IFNGR2: variants seen among roughly 807,000 people sequenced by gnomAD.
The protein encoded by IFNGR2 is interferon gamma receptor 2.
In IFNGR2, 15 loss-of-function variants were observed where a neutral mutation model predicts 41.1. The observed-to-expected ratio is 0.37, with a 90% CI of 0.24 to 0.56. The LOEUF (loss-of-function observed/expected upper bound fraction) is 0.56. Ranked by LOEUF, IFNGR2 falls within the 20% of genes least tolerant of loss-of-function variation. The probability of loss-of-function intolerance (pLI) is 0.81; values close to 1 mark genes in which losing one functional copy is unlikely to be tolerated. For synonymous variants in IFNGR2, 161 were observed against 171.6 expected (o/e 0.94, Z 0.48); for missense variants, 362 against 415.7 (o/e 0.87, Z 1.12).
At position 33,403,554 on chromosome 21, in the gene IFNGR2, C is replaced by CGCTGCTGTGGTCGCTGCT; in HGVS notation, c.19_36dup (p.Trp7_Leu12dup). The CGCTGCTGTGGTCGCTGCT allele has an allele frequency of 1.5e-6, 2 of 1,356,350 alleles. No individual in the cohort carries two copies. The highest frequency in any genetic ancestry group is 1.6e-5 in the South Asian group (1 of 61,760). The allele number at this position is 1,356,350 out of a possible 1,614,324, so 84.0% of individuals were successfully genotyped here. On this transcript the variant is annotated inframe_insertion, in exon 1 of 7. Coordinates refer to ENST00000290219, the MANE Select transcript of IFNGR2 (RefSeq NM_005534.4). ...CGAGCGCCCGGGGCCATGCGACCGA[C>CGCTGCTGTGGTCGCTGCT]GCTGCTGTGGTCGCTGCTGCTGCTG... is the stretch of plus-strand genomic sequence containing the variant.
At position 33,414,995 on chromosome 21, in the gene IFNGR2, G is replaced by A. The variant is rs1295900891; in HGVS notation, c.181G>A (p.Val61Ile). ...PVALSNSTRP[V>I]VYQVQFKYTD... ...GGCCCTGAGCAATAGCACGAGGCCT[G>A]TTGTCTACCAAGTGCAGTTTAAATA... is the stretch of plus-strand genomic sequence containing the variant. The change falls in exon 2 of 7, where the codon GTT becomes ATT. Residue 61 changes from valine (V) to isoleucine (I), a missense_variant. Transcript: ENST00000290219. The A allele has an allele frequency of 8.1e-6, 13 of 1,614,186 alleles. No homozygotes were observed. The highest frequency in any genetic ancestry group is 1.3e-5 in the African/African-American group (1 of 75,046).
chr21:33,411,576 G>A, intron 1 of IFNGR2: 1 of 466,972 alleles, frequency 2.1e-6, no homozygotes, highest in Non-Finnish European at 4.5e-6. Flanking sequence ...GCAGATGTGA[G>A]TAAGTTAAGA....
intron 6 of IFNGR2, 70 bp downstream of exon 6, chr21:33,432,941 C>A: frequency 7.7e-7 from 1 of 1,303,538 alleles, no homozygotes; most frequent in South Asian, 1.2e-5. Context: ...GCGGGAGTGT[C>A]ATGGTACAAT....
At chr21:33,430,610 ATTTT>A (rs1016552460) in intron 4 of IFNGR2, among the ~76,000 whole-genome samples, 3 of 151,716 alleles carry the variant, frequency 2.0e-5, no homozygotes. Context: ...TGACCAGCTT[ATTTT>A]TTTATTATTA....
At position 33,432,892 on chromosome 21, in the gene IFNGR2, T is replaced by G. The variant is rs373845747; in HGVS notation, c.879+21T>G. On this transcript the variant is annotated intron_variant, in intron 6 of 6. Transcript: ENST00000290219. ...AAGAGGTACGTGTGCACACATCTCT[T>G]TTTTTTTTTTTGAGACAGGGTCTTG... 1.1e-4 allele frequency: 156 copies of G among 1,423,608 alleles called. 2 individuals are homozygous for G. In the African/African-American group the frequency reaches 1.8e-3, roughly 17 times the overall value. The allele number at this position is 1,423,608 out of a possible 1,614,324, so 88.2% of individuals were successfully genotyped here.
chr21:33,424,473 G>A (rs538322859), intron 3 of IFNGR2, among the ~76,000 whole-genome samples: 22 of 152,164 alleles, frequency 1.4e-4, no homozygotes, highest in African/African-American at 4.3e-4. Flanking sequence ...CTCTGCCCTC[G>A]TGCTTGAAAA....
intron 2 of IFNGR2, among the ~76,000 whole-genome samples, chr21:33,415,316 T>TC (rs768123545): frequency 7.9e-5 from 12 of 152,186 alleles, no homozygotes; most frequent in Non-Finnish European, 1.5e-4. Context: ...AAAATAGGCT[T>TC]CCACCATGGA....
chr21:33,420,934 C>G (rs17885013), intron 2 of IFNGR2, among the ~76,000 whole-genome samples: 1 of 152,080 alleles, frequency 6.6e-6, no homozygotes, highest in Non-Finnish European at 1.5e-5. Context: ...CAGTGGCTCA[C>G]GCTTGTAATT....
chr21:33,432,196 G>C lies in IFNGR2; in HGVS notation c.581G>C (p.Ser194Thr). 1 of 1,614,138 alleles carries C rather than the reference G, an allele frequency of 6.2e-7. No homozygotes were observed. Among genetic ancestry groups the C allele is most frequent in the Non-Finnish European group, 8.5e-7 (1 of 1,179,986 alleles). Residue 194 changes from serine to threonine, a missense_variant, in exon 5 of 7, where the codon AGC (serine) becomes ACC (threonine). Coordinates refer to ENST00000290219, the MANE Select transcript of IFNGR2 (RefSeq NM_005534.4). ...AAACAGGTCAAAGGCCCTTTCAGAA[G>C]CAACTCCATTTCATTGGATAACTTA... is the stretch of plus-strand genomic sequence containing the variant. The part of the protein sequence containing the change: ...GIQQVKGPFR[S>T]NSISLDNLKP...
chr21:33,409,813 T>C (rs2083703689), intron 1 of IFNGR2, among the ~76,000 whole-genome samples: 1 of 151,862 alleles, frequency 6.6e-6, no homozygotes, highest in Non-Finnish European at 1.5e-5. Flanking sequence ...CTCTCACACA[T>C]GTCCCTTGGT....
At chr21:33,409,638 C>T (rs1019076911) in intron 1 of IFNGR2, among the ~76,000 whole-genome samples, 7 of 152,102 alleles carry the variant, frequency 4.6e-5, no homozygotes, top group Non-Finnish European at 4.4e-5. Flanking sequence ...TGCCAGGAAT[C>T]GGCAAAGTTT....
In IFNGR2 at chr21:33,436,225, C is replaced by T. The variant is rs148947987; in HGVS notation, c.880-603C>T. Among the ~76,000 whole-genome samples the T allele has an allele frequency of 1.7e-3, 248 of 148,974 alleles. 1 individual carries two copies. The highest frequency in any genetic ancestry group is 0.015 in the Middle Eastern group (4 of 262). ...ACAAAATTAGCAGGGTGTGGTGGTG[C>T]ATGCCTGTAATCCCAGCTACTTGGG... On this transcript the variant is annotated intron_variant, in intron 6 of 6. Transcript: ENST00000290219.
At chr21:33,427,842 A>ATTT (rs2083852304) in intron 4 of IFNGR2, among the ~76,000 whole-genome samples, 2 of 39,452 alleles carry the variant, frequency 5.1e-5, no homozygotes, top group African/African-American at 2.4e-4. Context: ...ATCTCATTTC[A>ATTT]TCTTTTTTTT....
intron 3 of IFNGR2, among the ~76,000 whole-genome samples, chr21:33,425,575 G>T (rs906957456): frequency 1.3e-5 from 2 of 152,214 alleles, no homozygotes; most frequent in African/African-American, 2.4e-5. Context: ...TGCTCACTTA[G>T]CTGGGACAAG....
At chr21:33,424,460 G>A (rs1380408336) in intron 3 of IFNGR2, among the ~76,000 whole-genome samples, 2 of 152,168 alleles carry the variant, frequency 1.3e-5, no homozygotes, top group Non-Finnish European at 2.9e-5. Context: ...CTGGGCTGCT[G>A]TTCTCTGCCC....
At chr21:33,405,031 A>G (rs536960368) in intron 1 of IFNGR2, among the ~76,000 whole-genome samples, 34 of 151,612 alleles carry the variant, frequency 2.2e-4, no homozygotes, top group African/African-American at 8.2e-4. Flanking sequence ...AGGCGGGAGA[A>G]TCACTTGAAC....
intron 1 of IFNGR2, among the ~76,000 whole-genome samples, chr21:33,408,316 C>T (rs532225200): frequency 1.1e-4 from 17 of 152,088 alleles, no homozygotes; most frequent in Admixed American, 7.9e-4. Context: ...CCTGCCTCAG[C>T]CTCCCAAGTA....
At chr21:33,426,835 T>C (rs1337390569) in intron 3 of IFNGR2, 49 bp from the exon 4 acceptor site, 1 of 1,417,058 alleles carries the variant, frequency 7.1e-7, no homozygotes, top group East Asian at 2.3e-5. Context: ...ATTATATCTA[T>C]AATACATATG....
intron 1 of IFNGR2, 30 bp downstream of exon 1, chr21:33,403,646 A>T: frequency 1.6e-6 from 2 of 1,258,264 alleles, no homozygotes; most frequent in Non-Finnish European, 2.0e-6. Flanking sequence ...CCGCGGCGGG[A>T]CGCGGGCGCA....
Sources: gnomAD v4.1 joint callset for allele counts (sites outside exome capture counted in the v4.1 genomes callset) on GRCh38, gnomAD v4.1.1 for gene constraint, MANE v1.5 for transcripts, NCBI Gene and HGNC (gene_info 2026-07-23, HGNC 2026-07-21) for gene names.